The following ATXN1 variants were observed in gnomAD, a reference collection of about 807,000 sequenced individuals.
ATXN1 encodes ataxin 1, also known as ataxin-1.
A neutral mutation model predicts 56.4 loss-of-function variants in ATXN1; 8 were observed. The observed-to-expected ratio is 0.14, with a 90% CI of 0.08 to 0.26. ATXN1 has a LOEUF of 0.26. Among genes scored for constraint, ATXN1 ranks in the 10% least tolerant of loss-of-function variants. The probability of loss-of-function intolerance (pLI) is 1.00; values close to 1 mark genes in which losing one functional copy is unlikely to be tolerated. For synonymous variants in ATXN1, 514 were observed against 494.6 expected, an observed-to-expected ratio of 1.04 and a Z score of -0.52; for missense variants, 987 against 1,106.5, an observed-to-expected ratio of 0.89 and a Z score of 1.53.
At chr6:16,693,502 T>C (rs1221590317) in intron 2 of ATXN1, among the ~76,000 whole-genome samples, 2 of 152,206 alleles carry the variant, frequency 1.3e-5, no homozygotes, top group African/African-American at 4.8e-5. Context: ...GAGGTCAATC[T>C]CTATTCCATT....
At chr6:16,585,971 G>C (rs915066067) in intron 3 of ATXN1, 64 bp from the exon 4 acceptor site, 1 of 151,898 alleles carries the variant, frequency 6.6e-6, no homozygotes, top group Non-Finnish European at 1.5e-5. Context: ...ATTCACATTC[G>C]CTGAAGTCAC....
chr6:16,450,718 T>C (rs1477805744), intron 6 of ATXN1, among the ~76,000 whole-genome samples: 7 of 152,220 alleles, frequency 4.6e-5, no homozygotes, highest in African/African-American at 1.7e-4. Flanking sequence ...TCCTCCCTTC[T>C]GGGGACCTTG....
At position 16,493,417 on chromosome 6, in the gene ATXN1, C is replaced by A. The variant is rs370263732; in HGVS notation, c.-298-7308G>T. 7.7e-4 allele frequency among the ~76,000 whole-genome samples: 116 copies of A among 150,952 alleles called. 3 individuals are homozygous for A. In the South Asian group the frequency reaches 0.016, roughly 21 times the overall value. ...CCACTTTTTCTACAACTCTTTTATCCTCTTATTCTACAACTTTCTCAATCA... is the reference window on the plus strand; with the variant it reads ...CCACTTTTTCTACAACTCTTTTATCATCTTATTCTACAACTTTCTCAATCA... On this transcript the variant is annotated intron_variant, in intron 5 of 7. Coordinates refer to ENST00000436367, the MANE Select transcript of ATXN1 (RefSeq NM_001128164.2).
chr6:16,631,273 A>T (rs9477189), intron 3 of ATXN1, among the ~76,000 whole-genome samples: 3,121 of 152,252 alleles, frequency 0.02, 116 homozygotes, highest in African/African-American at 0.072. Context: ...GCGTAAACAC[A>T]GTGGCTCAAA....
intron 6 of ATXN1, among the ~76,000 whole-genome samples, chr6:16,461,845 G>A (rs1303954965): frequency 6.6e-6 from 1 of 152,144 alleles, no homozygotes; most frequent in Non-Finnish European, 1.5e-5. Flanking sequence ...AAACACTCAA[G>A]AGGCACTTAA....
chr6:16,388,151 C>T (rs1483417699), intron 6 of ATXN1, among the ~76,000 whole-genome samples: 1 of 152,160 alleles, frequency 6.6e-6, no homozygotes, highest in Non-Finnish European at 1.5e-5. Context: ...GGGGCAGAGC[C>T]TTGACCACTG....
intron 6 of ATXN1, among the ~76,000 whole-genome samples, chr6:16,360,393 T>G (rs1761784597): frequency 6.6e-6 from 1 of 152,230 alleles, no homozygotes. Context: ...TGCATTATTA[T>G]TTTATTTTTA....
chr6:16,696,281 T>A (rs761095251), intron 2 of ATXN1, among the ~76,000 whole-genome samples: 8 of 152,136 alleles, frequency 5.3e-5, no homozygotes, highest in Non-Finnish European at 1.0e-4. Flanking sequence ...ATTGAAGACA[T>A]GACAACCAAG....
In ATXN1 at chr6:16,573,358, A is replaced by G. The variant is rs544745745; in HGVS notation, c.-361+12422T>C. 1.7e-3 allele frequency among the ~76,000 whole-genome samples: 255 copies of G among 152,226 alleles called. 1 individual carries two copies. Among genetic ancestry groups the G allele is most frequent in the African/African-American group, 5.8e-3 (241 of 41,532 alleles). On this transcript the variant is annotated intron_variant, in intron 4 of 7. Coordinates refer to ENST00000436367, the MANE Select transcript of ATXN1 (RefSeq NM_001128164.2). Reference sequence around the variant, plus strand: ...TCCTCTCCATTCTCCAAATCCAACAATTACTAAGTTATATTATTTTATCCC... The same window carrying G: ...TCCTCTCCATTCTCCAAATCCAACAGTTACTAAGTTATATTATTTTATCCC...
chr6:16,673,130 C>T (rs1169832705), intron 2 of ATXN1, among the ~76,000 whole-genome samples: 1 of 152,002 alleles, frequency 6.6e-6, no homozygotes. Context: ...TTGATTTCAG[C>T]CTGGTGAGAC....
At chr6:16,583,364 C>A (rs999910700) in intron 4 of ATXN1, among the ~76,000 whole-genome samples, 14 of 152,202 alleles carry the variant, frequency 9.2e-5, no homozygotes, top group African/African-American at 2.9e-4. Flanking sequence ...TTTCCTTTCA[C>A]TTTTCAACGT....
chr6:16,550,055 A>G (rs962586712), intron 4 of ATXN1, among the ~76,000 whole-genome samples: 11 of 151,248 alleles, frequency 7.3e-5, no homozygotes, highest in Admixed American at 2.0e-4. Context: ...ACAGGTTAAT[A>G]GGTGCAGCAA....
chr6:16,515,077 T>G (rs768673190), intron 5 of ATXN1, among the ~76,000 whole-genome samples: 25 of 152,076 alleles, frequency 1.6e-4, no homozygotes, highest in Non-Finnish European at 3.4e-4. Flanking sequence ...AATTGGGTTA[T>G]CTCTGACTCC....
intron 6 of ATXN1, among the ~76,000 whole-genome samples, chr6:16,377,795 A>G (rs1429603146): frequency 6.6e-6 from 1 of 152,258 alleles, no homozygotes; most frequent in Non-Finnish European, 1.5e-5. Context: ...CAGCATTTGC[A>G]TAAACGCTGA....
intron 6 of ATXN1, among the ~76,000 whole-genome samples, chr6:16,424,814 G>A (rs2113571466): frequency 6.6e-6 from 1 of 152,304 alleles, no homozygotes; most frequent in South Asian, 2.1e-4. Flanking sequence ...GAGTCCAAGG[G>A]CTGGACCATT....
chr6:16,632,601 C>T (rs1763525265), intron 3 of ATXN1, among the ~76,000 whole-genome samples: 1 of 151,888 alleles, frequency 6.6e-6, no homozygotes, highest in African/African-American at 2.4e-5. Flanking sequence ...GTAAGGGTCT[C>T]GCTGTCAAGA....
chr6:16,452,244 A>T (rs552698773), intron 6 of ATXN1, among the ~76,000 whole-genome samples: 1 of 152,334 alleles, frequency 6.6e-6, no homozygotes, highest in South Asian at 2.1e-4. Context: ...GTTTTCTCCG[A>T]GTTCAGGGTG....
intron 2 of ATXN1, among the ~76,000 whole-genome samples, chr6:16,691,917 C>A (rs1352875570): frequency 6.6e-6 from 1 of 152,230 alleles, no homozygotes; most frequent in Non-Finnish European, 1.5e-5. Flanking sequence ...TGCTTTGCCT[C>A]TTCCACCATG....
intron 2 of ATXN1, among the ~76,000 whole-genome samples, chr6:16,665,181 C>T (rs550894181): frequency 6.6e-6 from 1 of 152,234 alleles, no homozygotes; most frequent in East Asian, 1.9e-4. Flanking sequence ...TACCAAAACT[C>T]AATAAGTGGT....
Sources: allele counts gnomAD v4.1 joint callset (sites outside exome capture counted in the v4.1 genomes callset), GRCh38; gene constraint gnomAD v4.1.1; transcripts MANE v1.5; gene names NCBI Gene and HGNC (gene_info 2026-07-23, HGNC 2026-07-21).